The following NUGGC variants were observed in gnomAD, a reference collection of about 807,000 sequenced individuals.
NUGGC encodes the protein nuclear GTPase, germinal center associated.
Under a neutral mutation model 92.6 loss-of-function variants are expected in NUGGC, and 58 were observed. That is an observed-to-expected ratio of 0.63 (90% CI 0.51 to 0.78). The LOEUF (loss-of-function observed/expected upper bound fraction) is 0.78, where lower values mean the gene tolerates loss of function less well. Among genes scored for constraint, NUGGC ranks in the 30% least tolerant of loss-of-function variants. NUGGC has a pLI of 0.00. For synonymous variants in NUGGC, 376 were observed against 366.4 expected (o/e 1.03, Z -0.30); for missense variants, 925 against 964.6 (o/e 0.96, Z 0.54).
intron 13 of NUGGC, among the ~76,000 whole-genome samples, chr8:28,034,805 G>A (rs1360268246): frequency 1.3e-5 from 2 of 151,682 alleles, no homozygotes; most frequent in South Asian, 2.1e-4. Context: ...CAACAAGAGC[G>A]AAACTCCAAC....
chr8:28,082,677 A>C (rs1810879865), intron 1 of NUGGC, among the ~76,000 whole-genome samples: 1 of 152,114 alleles, frequency 6.6e-6, no homozygotes. Context: ...CTGAGAGGAG[A>C]GGGGATCCCT....
intron 12 of NUGGC, 144 bp from the exon 13 acceptor site, chr8:28,041,359 C>A (rs1003094436): frequency 1.1e-5 from 9 of 784,600 alleles, no homozygotes; most frequent in Non-Finnish European, 1.0e-5. Context: ...CCCCATAAGA[C>A]CTCACTCAGT....
chr8:28,046,680 ATTT>A (rs4054869), intron 11 of NUGGC, among the ~76,000 whole-genome samples: 1 of 139,594 alleles, frequency 7.2e-6, no homozygotes, highest in East Asian at 2.1e-4. Flanking sequence ...TGATAACCCA[ATTT>A]TTTTTTTTTT....
intron 1 of NUGGC, 89 bp from the exon 2 acceptor site, chr8:28,074,545 G>A (rs571709724): frequency 2.6e-5 from 21 of 799,982 alleles, no homozygotes; most frequent in Middle Eastern, 2.2e-4. Flanking sequence ...CTGCTTGTGC[G>A]GTATTTCTGC....
intron 3 of NUGGC, among the ~76,000 whole-genome samples, chr8:28,069,904 C>T (rs1168404932): frequency 1.3e-5 from 2 of 152,220 alleles, no homozygotes; most frequent in East Asian, 1.9e-4. Flanking sequence ...GTATGCTTGG[C>T]CACGGGCTTC....
At chr8:28,047,441 G>C in intron 11 of NUGGC, 66 bp downstream of exon 11, 3 of 1,037,860 alleles carry the variant, frequency 2.9e-6, no homozygotes, top group Non-Finnish European at 4.3e-6. Flanking sequence ...TCTAGAGCAG[G>C]AAATTCGAAG....
At chr8:28,038,198 AG>A (rs967961110) in intron 13 of NUGGC, among the ~76,000 whole-genome samples, 12 of 152,262 alleles carry the variant, frequency 7.9e-5, no homozygotes, top group Non-Finnish European at 1.8e-4. Context: ...AGCCTGCCAC[AG>A]CCCCCACCAG....
At chr8:28,080,628 T>C (rs1208369094) in intron 1 of NUGGC, among the ~76,000 whole-genome samples, 1 of 152,196 alleles carries the variant, frequency 6.6e-6, no homozygotes, top group Non-Finnish European at 1.5e-5. Flanking sequence ...ATAGATATAA[T>C]TTTTTGTATC....
intron 12 of NUGGC, among the ~76,000 whole-genome samples, chr8:28,041,897 T>C (rs538935690): frequency 6.6e-6 from 1 of 152,174 alleles, no homozygotes; most frequent in Non-Finnish European, 1.5e-5. Context: ...GTGCCTGATA[T>C]GGTTTGCTGT....
chr8:28,081,729 T>G (rs544644899), intron 1 of NUGGC, among the ~76,000 whole-genome samples: 1 of 152,196 alleles, frequency 6.6e-6, no homozygotes, highest in East Asian at 1.9e-4. Flanking sequence ...ATACAAAAAA[T>G]TAGCCAGCCG....
chr8:28,054,054 A>G (rs2130178706), intron 10 of NUGGC, among the ~76,000 whole-genome samples: 1 of 152,366 alleles, frequency 6.6e-6, no homozygotes, highest in East Asian at 1.9e-4. Context: ...AAATGTTTTT[A>G]CTATTGAATC....
In NUGGC at chr8:28,022,380, A is replaced by C. The variant is rs1321722473; in HGVS notation, c.*937T>G. ...TCACTGTGTTAGCCAGGATGGTCTC[A>C]ATCTCCTGACCTCATGATCCGCCCG... is the stretch of plus-strand genomic sequence containing the variant. On this transcript the variant is annotated 3_prime_UTR_variant, in exon 19 of 19. Transcript: ENST00000413272. 3 of 151,508 alleles carry C rather than the reference A, an allele frequency of 2.0e-5. No homozygotes were observed. The highest frequency in any genetic ancestry group is 3.9e-4 in the East Asian group (2 of 5,140). The allele number at this position is 151,508 out of a possible 1,614,324, so 9.4% of individuals were successfully genotyped here.
At position 28,023,788 on chromosome 8, in the gene NUGGC, T is replaced by A. The variant is rs142829662; in HGVS notation, c.2246-326A>T. Among the ~76,000 whole-genome samples the A allele has an allele frequency of 2.3e-4, 35 of 152,196 alleles. 1 individual carries two copies. In the East Asian group the frequency reaches 6.8e-3, roughly 29 times the overall value. ...ATTCCTCTCCAGGCGGCTCCCCCTC[T>A]TCCCCCCACCCCAATCCCTATCCTC... On this transcript the variant is annotated intron_variant, in intron 18 of 18. Coordinates refer to ENST00000413272, the MANE Select transcript of NUGGC (RefSeq NM_001010906.2).
At chr8:28,079,446 A>G (rs892933545) in intron 1 of NUGGC, among the ~76,000 whole-genome samples, 1 of 152,182 alleles carries the variant, frequency 6.6e-6, no homozygotes, top group African/African-American at 2.4e-5. Context: ...AGGCTGATGC[A>G]GGAGAATTGC....
Position 28,030,333 on chromosome 8 carries a change from C to T in NUGGC, c.1994G>A (p.Ser665Asn). ...IYESLTASVQ[S>N]DLKLCYEEAA... ...ACCTTCGTAACAGAGCTTCAGGTCA[C>T]TCTGGACAGAGGCAGTGAGGGACTC... Residue 665 changes from serine (S) to asparagine (N), a missense_variant, in exon 16 of 19, where the codon AGT (serine) becomes AAT (asparagine). By Grantham distance (46) the Ser-to-Asn change is conservative. Transcript: ENST00000413272. 3 of 1,572,532 alleles carry T rather than the reference C, an allele frequency of 1.9e-6. No individual in the cohort carries two copies. The highest frequency in any genetic ancestry group is 2.6e-6 in the Non-Finnish European group (3 of 1,156,436).
At chr8:28,072,369 C>T (rs900469866) in intron 2 of NUGGC, among the ~76,000 whole-genome samples, 1 of 152,170 alleles carries the variant, frequency 6.6e-6, no homozygotes, top group Admixed American at 6.5e-5. Flanking sequence ...GGCCAGCTAC[C>T]GGCTGAAGAA....
chr8:28,047,516 C>T lies in NUGGC; in HGVS notation c.1303G>A (p.Glu435Lys), dbSNP rs1276337157. 1.0e-5 allele frequency: 16 copies of T among 1,549,690 alleles called. No individual in the cohort carries two copies. The highest frequency in any genetic ancestry group is 1.4e-5 in the African/African-American group (1 of 73,374). ...AAAAAACATAAATTACCCGTTTCCT[C>T]CTCGGTGAGGAGAGCCTGCTGCCAG... ...EYWQQALLTE[E>K]ETEIPKLREY... The change falls in exon 11 of 19, where the codon GAG (glutamate) becomes AAG (lysine). Residue 435 changes from glutamate to lysine, a missense_variant. Coordinates refer to ENST00000413272, the MANE Select transcript of NUGGC (RefSeq NM_001010906.2).
chr8:28,070,065 C>A (rs1024226232), intron 3 of NUGGC, 187 bp downstream of exon 3: 3 of 981,064 alleles, frequency 3.1e-6, no homozygotes, highest in Non-Finnish European at 3.6e-6. Flanking sequence ...ACCCTCCTGC[C>A]CACAGATGCC....
intron 13 of NUGGC, among the ~76,000 whole-genome samples, chr8:28,038,051 G>C (rs779120310): frequency 6.6e-6 from 1 of 152,194 alleles, no homozygotes; most frequent in Non-Finnish European, 1.5e-5. Context: ...CCTGAGAATG[G>C]GGCCCATGGA....
Sources: allele counts gnomAD v4.1 joint callset (sites outside exome capture counted in the v4.1 genomes callset), GRCh38; gene constraint gnomAD v4.1.1; transcripts MANE v1.5; gene names NCBI Gene and HGNC (gene_info 2026-07-23, HGNC 2026-07-21).